SLCO5A1: variants seen among roughly 807,000 people sequenced by gnomAD.
The protein encoded by SLCO5A1 is solute carrier organic anion transporter family member 5A1.
SLCO5A1 carries 39 observed loss-of-function variants against 65.1 expected under a neutral mutation model. The ratio of observed to expected loss-of-function variants is 0.60; its 90% CI spans 0.46 to 0.78. The LOEUF (loss-of-function observed/expected upper bound fraction) is 0.78. Among genes scored for constraint, SLCO5A1 ranks in the 30% least tolerant of loss-of-function variants. The pLI, the probability that SLCO5A1 is intolerant of heterozygous loss-of-function variation, is 0.00. For synonymous variants in SLCO5A1, 438 were observed against 415.7 expected, an observed-to-expected ratio of 1.05 and a Z score of -0.65; for missense variants, 1,029 against 1,069.4, an observed-to-expected ratio of 0.96 and a Z score of 0.53.
intron 2 of SLCO5A1, among the ~76,000 whole-genome samples, chr8:69,807,047 A>T (rs1586821345): frequency 6.6e-6 from 1 of 152,244 alleles, no homozygotes; most frequent in Non-Finnish European, 1.5e-5. Context: ...AATCCTAAGC[A>T]AAAAGAATAA....
At chr8:69,674,237 G>A (rs1404651102) in intron 9 of SLCO5A1, among the ~76,000 whole-genome samples, 1 of 152,142 alleles carries the variant, frequency 6.6e-6, no homozygotes, top group African/African-American at 2.4e-5. Flanking sequence ...CTTCAAGGCA[G>A]GGGCCACGCC....
intron 2 of SLCO5A1, among the ~76,000 whole-genome samples, chr8:69,824,155 A>G (rs1487537262): frequency 1.3e-5 from 2 of 152,120 alleles, no homozygotes; most frequent in Admixed American, 1.3e-4. Context: ...ATAGCACTAA[A>G]TGCCCACAAG....
chr8:69,683,736 T>G (rs1813887751), intron 6 of SLCO5A1, among the ~76,000 whole-genome samples: 1 of 152,122 alleles, frequency 6.6e-6, no homozygotes, highest in African/African-American at 2.4e-5. Flanking sequence ...CTAATTTTTG[T>G]ATTTTCAGTA....
intron 5 of SLCO5A1, among the ~76,000 whole-genome samples, chr8:69,731,204 T>C (rs1174590704): frequency 6.6e-6 from 1 of 152,204 alleles, no homozygotes; most frequent in Non-Finnish European, 1.5e-5. Flanking sequence ...TTCGCCATGC[T>C]GGCCAGGCTA....
At chr8:69,704,205 GC>G (rs1400241000) in intron 6 of SLCO5A1, among the ~76,000 whole-genome samples, 7 of 152,022 alleles carry the variant, frequency 4.6e-5, no homozygotes, top group Non-Finnish European at 8.8e-5. Context: ...CCAGCCATGA[GC>G]CTTTTTTAGA....
intron 2 of SLCO5A1, among the ~76,000 whole-genome samples, chr8:69,784,848 A>AAAGAAAGAAAGAAAGAAAGG (rs1563722782): frequency 2.1e-5 from 3 of 144,066 alleles, no homozygotes; most frequent in African/African-American, 7.6e-5. Flanking sequence ...AGAAAGAAAG[A>AAAGAAAGAAAGAAAGAAAGG]AAGAAAGAAA....
intron 4 of SLCO5A1, among the ~76,000 whole-genome samples, chr8:69,752,616 TA>T (rs1326223648): frequency 6.7e-6 from 1 of 150,032 alleles, no homozygotes; most frequent in Non-Finnish European, 1.5e-5. Flanking sequence ...AACATCATTT[TA>T]TATCATCAAT....
chr8:69,708,702 G>A (rs983065756), intron 5 of SLCO5A1, among the ~76,000 whole-genome samples: 3 of 152,076 alleles, frequency 2.0e-5, no homozygotes, highest in Non-Finnish European at 2.9e-5. Flanking sequence ...TCAGGAGTTC[G>A]AGACCAGCCT....
At chr8:69,754,405 C>G (rs1294022491) in intron 4 of SLCO5A1, among the ~76,000 whole-genome samples, 1 of 152,186 alleles carries the variant, frequency 6.6e-6, no homozygotes, top group Non-Finnish European at 1.5e-5. Flanking sequence ...AGCGACATGT[C>G]TGTAACATAT....
At position 69,791,184 on chromosome 8, in the gene SLCO5A1, C is replaced by T. The variant is rs566488761; in HGVS notation, c.908-29309G>A. Reference sequence around the variant, plus strand: ...GCCTAAAGGTCCTCTGATCACATCCCCTTCCTCCCTCATTCTTGGCTAGCT... The same window carrying T: ...GCCTAAAGGTCCTCTGATCACATCCTCTTCCTCCCTCATTCTTGGCTAGCT... On this transcript the variant is annotated intron_variant, in intron 2 of 9. Transcript: ENST00000260126. Among the ~76,000 whole-genome samples the T allele has an allele frequency of 8.5e-4, 129 of 152,162 alleles. 3 individuals are homozygous for T. The highest frequency in any genetic ancestry group is 7.5e-4 in the Non-Finnish European group (51 of 68,024).
intron 2 of SLCO5A1, among the ~76,000 whole-genome samples, chr8:69,765,862 C>G (rs1437612962): frequency 1.3e-5 from 2 of 152,164 alleles, no homozygotes; most frequent in Non-Finnish European, 2.9e-5. Context: ...TCTTCAAGGT[C>G]CAACCAAGTC....
At chr8:69,703,749 G>C (rs147977557) in intron 6 of SLCO5A1, among the ~76,000 whole-genome samples, 1 of 152,096 alleles carries the variant, frequency 6.6e-6, no homozygotes, top group African/African-American at 2.4e-5. Flanking sequence ...AAATTCTAAG[G>C]GATTTTGTCA....
chr8:69,759,344 G>A lies in SLCO5A1; in HGVS notation c.1040+2399C>T, dbSNP rs574625790. On this transcript the variant is annotated intron_variant, in intron 3 of 9. Transcript: ENST00000260126. The stretch of plus-strand genomic sequence containing the variant: ...ATATTGACAATCTTTATCATGTATA[G>A]AACTAACATTGAGCCATTAAAAATG... 1.4e-4 allele frequency among the ~76,000 whole-genome samples: 22 copies of A among 152,172 alleles called. No homozygotes were observed. The East Asian group carries it at 3.5e-3, about 24-fold the overall frequency.
chr8:69,668,944 C>A lies in SLCO5A1; in HGVS notation c.*3925G>T, dbSNP rs1813258264. On this transcript the variant is annotated 3_prime_UTR_variant, in exon 10 of 10. Transcript: ENST00000260126. ...AACCCTTATTAGGAATCTTAAAACTCATATTCATCAAAAAACTAATAGAGA... is the reference window on the plus strand; with the variant it reads ...AACCCTTATTAGGAATCTTAAAACTAATATTCATCAAAAAACTAATAGAGA... 1 of 151,974 alleles carries A rather than the reference C, an allele frequency of 6.6e-6. No homozygotes were observed. Among genetic ancestry groups the A allele is most frequent in the Non-Finnish European group, 1.5e-5 (1 of 67,986 alleles). The allele number at this position is 151,974 out of a possible 1,614,324, so 9.4% of individuals were successfully genotyped here. A position where few individuals can be genotyped will look rare whatever the true frequency, so the allele number is the denominator to read the frequency against.
At position 69,833,033 on chromosome 8, in the gene SLCO5A1, A is replaced by G; in HGVS notation, c.-360T>C. 1 of 293,936 alleles carries G rather than the reference A, an allele frequency of 3.4e-6. No individual in the cohort carries two copies. The allele number at this position is 293,936 out of a possible 1,614,324, so 18.2% of individuals were successfully genotyped here. A position where few individuals can be genotyped will look rare whatever the true frequency, so the allele number is the denominator to read the frequency against. On this transcript the variant is annotated 5_prime_UTR_variant, in exon 2 of 10. Coordinates refer to ENST00000260126, the MANE Select transcript of SLCO5A1 (RefSeq NM_030958.3). ...CGCCGCCGCCGCTGGGCCCGCGGCCAGGAGCGAGTGCACCCTGCGCCGGGG... is the reference window on the plus strand; with the variant it reads ...CGCCGCCGCCGCTGGGCCCGCGGCCGGGAGCGAGTGCACCCTGCGCCGGGG...
chr8:69,720,400 G>A (rs1354784854), intron 5 of SLCO5A1, among the ~76,000 whole-genome samples: 2 of 152,208 alleles, frequency 1.3e-5, no homozygotes, highest in Non-Finnish European at 2.9e-5. Context: ...CAGGACCAAA[G>A]GTAGCCCTGA....
intron 3 of SLCO5A1, among the ~76,000 whole-genome samples, chr8:69,757,781 CATCAGGCACT>C (rs36205268): frequency 0.97 from 147,339 of 152,114 alleles, 71,424 homozygotes; most frequent in East Asian, 1. Context: ...GGTCCTTACC[CATCAGGCACT>C]ATCAGGCACT....
intron 2 of SLCO5A1, among the ~76,000 whole-genome samples, chr8:69,785,774 T>C (rs1819022788): frequency 1.3e-5 from 2 of 152,092 alleles, no homozygotes; most frequent in Admixed American, 1.3e-4. Context: ...CCAACAAATA[T>C]CAAGAGCAAA....
chr8:69,824,267 A>C (rs997429742), intron 2 of SLCO5A1, among the ~76,000 whole-genome samples: 5 of 152,164 alleles, frequency 3.3e-5, no homozygotes, highest in Non-Finnish European at 5.9e-5. Context: ...GGCAAGAAAT[A>C]ACTAAAATCA....
Sources: allele counts gnomAD v4.1 joint callset (sites outside exome capture counted in the v4.1 genomes callset), GRCh38; gene constraint gnomAD v4.1.1; transcripts MANE v1.5; gene names NCBI Gene and HGNC (gene_info 2026-07-23, HGNC 2026-07-21).